The following AR variants were observed in gnomAD, a reference collection of about 807,000 sequenced individuals.
AR encodes androgen receptor.
In AR, 8 loss-of-function variants were observed where a neutral mutation model predicts 53.9. The observed-to-expected ratio is 0.15, with a 90% CI of 0.09 to 0.27. The LOEUF (loss-of-function observed/expected upper bound fraction) is 0.27. AR is among the 10% of genes least tolerant of loss of function. The pLI, the probability that AR is intolerant of heterozygous loss-of-function variation, is 1.00. For missense variants in AR, 639 were observed against 742.5 expected, an observed-to-expected ratio of 0.86 and a Z score of 1.62; for synonymous variants, 359 against 316.4, an observed-to-expected ratio of 1.13 and a Z score of -1.43.
At chrX:67,552,488 G>A (rs1167470387) in intron 1 of AR, among the ~76,000 whole-genome samples, 2 of 112,200 alleles carry the variant, frequency 1.8e-5, no homozygotes, top group Non-Finnish European at 3.8e-5. Flanking sequence ...GAACATTCAC[G>A]TGCAAGTTTA....
intron 1 of AR, among the ~76,000 whole-genome samples, chrX:67,640,012 A>G (rs968901129): frequency 3.6e-5 from 4 of 111,557 alleles, no homozygotes; most frequent in Admixed American, 9.5e-5. Context: ...TAGTTTATTG[A>G]GAGTTTGAGC....
intron 1 of AR, among the ~76,000 whole-genome samples, chrX:67,616,957 G>A (rs973824388): frequency 1.8e-5 from 2 of 111,244 alleles, no homozygotes; most frequent in Non-Finnish European, 3.8e-5. Flanking sequence ...CAGAAATAAG[G>A]CCTTATTTTA....
chrX:67,579,880 C>G (rs763676146), intron 1 of AR, among the ~76,000 whole-genome samples: 1 of 111,354 alleles, frequency 9.0e-6, no homozygotes, highest in Non-Finnish European at 1.9e-5. Flanking sequence ...TCTGTTCAGC[C>G]TTTTTGCACA....
At chrX:67,699,100 T>TA (rs1412008111) in intron 3 of AR, among the ~76,000 whole-genome samples, 1 of 112,340 alleles carries the variant, frequency 8.9e-6, no homozygotes, top group East Asian at 2.8e-4. Flanking sequence ...CACAGTTCCT[T>TA]ACAAGGAAGA....
intron 1 of AR, among the ~76,000 whole-genome samples, chrX:67,598,702 T>G (rs1923196888): frequency 9.0e-6 from 1 of 111,629 alleles, no homozygotes; most frequent in Non-Finnish European, 1.9e-5. Context: ...ATTATTTTAT[T>G]AATATGGAAT....
At chrX:67,559,488 T>C (rs990500608) in intron 1 of AR, among the ~76,000 whole-genome samples, 2 of 111,870 alleles carry the variant, frequency 1.8e-5, no homozygotes, top group Non-Finnish European at 3.8e-5. Flanking sequence ...AGATGCTACC[T>C]CCGTCCCTCT....
At position 67,623,738 on chromosome X, in the gene AR, T is replaced by C. The variant is rs1924483100; in HGVS notation, c.1617-19518T>C. Among the ~76,000 whole-genome samples the C allele has an allele frequency of 3.6e-5, 4 of 111,200 alleles. No homozygotes were observed. In the Admixed American group the frequency reaches 3.8e-4, roughly 11 times the overall value. ...AGATCAACAAAACTGAAAAAAACTT[T>C]AGTCAGATTGAATAAGAAAAAAAGA... is the stretch of plus-strand genomic sequence containing the variant. On this transcript the variant is annotated intron_variant, in intron 1 of 7. Coordinates refer to ENST00000374690, the MANE Select transcript of AR (RefSeq NM_000044.6).
chrX:67,564,176 T>C (rs1273238920), intron 1 of AR, among the ~76,000 whole-genome samples: 1 of 111,820 alleles, frequency 8.9e-6, no homozygotes, highest in African/African-American at 3.3e-5. Flanking sequence ...CAGCAAGTTG[T>C]GTCTCGGAGC....
At chrX:67,696,885 G>A (rs1255497807) in intron 3 of AR, among the ~76,000 whole-genome samples, 2 of 111,668 alleles carry the variant, frequency 1.8e-5, no homozygotes, top group African/African-American at 6.5e-5. Context: ...CTGGAAGTCA[G>A]GATACCTTAG....
chrX:67,667,977 C>CT (rs1379652131), intron 2 of AR, among the ~76,000 whole-genome samples: 1 of 111,462 alleles, frequency 9.0e-6, no homozygotes, highest in African/African-American at 3.2e-5. Flanking sequence ...AGACTTTAGG[C>CT]TTTTCCAAAT....
At chrX:67,552,248 C>A (rs915885914) in intron 1 of AR, among the ~76,000 whole-genome samples, 1 of 112,243 alleles carries the variant, frequency 8.9e-6, no homozygotes, top group African/African-American at 3.2e-5. Flanking sequence ...CTTATTCTAA[C>A]ATTTTGTATG....
At chrX:67,587,919 G>T in intron 1 of AR, among the ~76,000 whole-genome samples, 1 of 109,881 alleles carries the variant, frequency 9.1e-6, no homozygotes, top group Middle Eastern at 4.6e-3. Flanking sequence ...ACATTCAGTA[G>T]TTATTCACAG....
Position 67,546,514 on chromosome X carries a change from T to TGGTGGTGGGGGTGGTGGTGGCGGCGGC in AR, c.1370_1371insTGGTGGGGGTGGTGGTGGCGGCGGCGG (p.Gly465_Gly473dup), listed in dbSNP as rs760580125. The stretch of plus-strand genomic sequence containing the variant: ...GACCGTGTGGTGGTGGTGGGGGTGG[T>TGGTGGTGGGGGTGGTGGTGGCGGCGGC]GGCGGCGGCGGCGGCGGCGGCGGCG... On this transcript the variant is annotated inframe_insertion, in exon 1 of 8. Transcript: ENST00000374690. The TGGTGGTGGGGGTGGTGGTGGCGGCGGC allele has an allele frequency of 2.0e-6, 1 of 509,498 alleles. No homozygotes were observed. Among genetic ancestry groups the TGGTGGTGGGGGTGGTGGTGGCGGCGGC allele is most frequent in the Non-Finnish European group, 2.7e-6 (1 of 375,803 alleles). The allele number at this position is 509,498 out of a possible 1,213,427, so 42.0% of individuals were successfully genotyped here.
intron 1 of AR, among the ~76,000 whole-genome samples, chrX:67,626,181 T>C (rs773444137): frequency 9.0e-6 from 1 of 110,973 alleles, no homozygotes; most frequent in Non-Finnish European, 1.9e-5. Context: ...TCTAACTATA[T>C]TATTGTACCC....
chrX:67,689,927 C>T (rs991787730), intron 3 of AR, among the ~76,000 whole-genome samples: 1 of 111,675 alleles, frequency 9.0e-6, no homozygotes, highest in Non-Finnish European at 1.9e-5. Flanking sequence ...TAAAGAAGTG[C>T]CCTTCCTGCC....
intron 2 of AR, among the ~76,000 whole-genome samples, chrX:67,663,842 C>G (rs891463065): frequency 1.8e-5 from 2 of 111,848 alleles, no homozygotes; most frequent in Admixed American, 9.5e-5. Flanking sequence ...TCTTTTTCCT[C>G]TGAACTTCTC....
chrX:67,610,847 G>A (rs1247258478), intron 1 of AR, among the ~76,000 whole-genome samples: 1 of 111,270 alleles, frequency 9.0e-6, no homozygotes, highest in Non-Finnish European at 1.9e-5. Flanking sequence ...TGGTGTTTAA[G>A]ATGAATGGTT....
At chrX:67,609,740 T>C (rs1346493201) in intron 1 of AR, among the ~76,000 whole-genome samples, 4 of 111,439 alleles carry the variant, frequency 3.6e-5, no homozygotes, top group African/African-American at 1.3e-4. Context: ...TTTCCACAAA[T>C]ATAATCTTTC....
At chrX:67,586,575 A>C (rs2069400384) in intron 1 of AR, among the ~76,000 whole-genome samples, 1 of 112,189 alleles carries the variant, frequency 8.9e-6, no homozygotes, top group African/African-American at 3.2e-5. Flanking sequence ...GCAATCTGTA[A>C]ATGTTTGAAG....
Sources: gnomAD v4.1 joint callset for allele counts (sites outside exome capture counted in the v4.1 genomes callset) on GRCh38, gnomAD v4.1.1 for gene constraint, MANE v1.5 for transcripts, NCBI Gene and HGNC (gene_info 2026-07-23, HGNC 2026-07-21) for gene names.